Variants in COL12A1 observed in about 807,000 individuals in gnomAD.
COL12A1 encodes the protein collagen alpha-1(XII) chain.
Under a neutral mutation model 349.7 loss-of-function variants are expected in COL12A1, and 114 were observed. The ratio of observed to expected loss-of-function variants is 0.33; its 90% CI spans 0.28 to 0.38. COL12A1 has a LOEUF of 0.38. Among genes scored for constraint, COL12A1 ranks in the 10% least tolerant of loss-of-function variants. COL12A1 has a pLI of 1.00. For missense variants in COL12A1, 3,284 were observed against 3,756.9 expected (o/e 0.87, Z 3.29); for synonymous variants, 1,369 against 1,329.0 (o/e 1.03, Z -0.66).
chr6:75,123,804 C>G, intron 42 of COL12A1, 144 bp downstream of exon 42: 1 of 900,614 alleles, frequency 1.1e-6, no homozygotes, highest in South Asian at 2.2e-5. Context: ...GCTTTAGACT[C>G]CACATTCAGG....
rs180680430 is a variant in COL12A1, at chr6:75,197,613, G to A, written c.74-2666C>T. Among the ~76,000 whole-genome samples, 180 of 152,032 alleles carry A rather than the reference G, an allele frequency of 1.2e-3. 1 individual carries two copies. Among genetic ancestry groups the A allele is most frequent in the African/African-American group, 4.1e-3 (171 of 41,474 alleles). ...AGGAATAAGCCACTGTGCCCAGCCC[G>A]GAAATTTTCAATTATGCACTAGCTG... On this transcript the variant is annotated intron_variant, in intron 2 of 65. Transcript: ENST00000322507.
chr6:75,108,719 T>A (rs1403445675), intron 52 of COL12A1, among the ~76,000 whole-genome samples: 1 of 152,222 alleles, frequency 6.6e-6, no homozygotes, highest in African/African-American at 2.4e-5. Flanking sequence ...TCACTGGGTA[T>A]GTTGGCAACT....
At chr6:75,116,473 A>T (rs1469873505) in intron 47 of COL12A1, among the ~76,000 whole-genome samples, 1 of 151,978 alleles carries the variant, frequency 6.6e-6, no homozygotes, top group African/African-American at 2.4e-5. Flanking sequence ...ACCAAACACC[A>T]TGTAACAGTA....
chr6:75,124,018 A>G lies in COL12A1; in HGVS notation c.6801T>C (p.Asp2267=), dbSNP rs1314885652. The G allele has an allele frequency of 6.2e-7, 1 of 1,613,958 alleles. No individual in the cohort carries two copies. The highest frequency in any genetic ancestry group is 1.3e-5 in the African/African-American group (1 of 75,052). ...HCFTGLSPDT[D]YGVTVFVQTP... ...TCTGCACAAAAACAGTGACACCATAATCAGTGTCTGGTGAAAGGCCAGTGA... is the reference window on the plus strand; with the variant it reads ...TCTGCACAAAAACAGTGACACCATAGTCAGTGTCTGGTGAAAGGCCAGTGA... Residue 2267 remains aspartate (D), a synonymous_variant, in exon 42 of 66, where the codon GAT becomes GAC. Coordinates refer to ENST00000322507, the MANE Select transcript of COL12A1 (RefSeq NM_004370.6).
chr6:75,090,040 T>C lies in COL12A1; in HGVS notation c.8941+70A>G. 1.3e-6 allele frequency: 2 copies of C among 1,558,290 alleles called. No individual in the cohort carries two copies. The highest frequency in any genetic ancestry group is 1.8e-6 in the Non-Finnish European group (2 of 1,138,586). On this transcript the variant is annotated intron_variant, in intron 63 of 65. Coordinates refer to ENST00000322507, the MANE Select transcript of COL12A1 (RefSeq NM_004370.6). This position sits in a 1 kb window ranked among gnomAD's most constrained non-coding sequence, Gnocchi z 4.1. Reference sequence around the variant, plus strand: ...TGCCTAGGTCACCTTTCAGATGCCTTCAACCTGTCCCAACTCCTACATTTG... The same window carrying C: ...TGCCTAGGTCACCTTTCAGATGCCTCCAACCTGTCCCAACTCCTACATTTG...
At position 75,086,529 on chromosome 6, in the gene COL12A1, G is replaced by A. The variant is rs1767496152; in HGVS notation, c.*18C>T. 1 of 1,605,726 alleles carries A rather than the reference G, an allele frequency of 6.2e-7. No homozygotes were observed. The highest frequency in any genetic ancestry group is 8.5e-7 in the Non-Finnish European group (1 of 1,175,114). On this transcript the variant is annotated 3_prime_UTR_variant, in exon 66 of 66. Coordinates refer to ENST00000322507, the MANE Select transcript of COL12A1 (RefSeq NM_004370.6). ...ATGTATTCAAACTGTAAGCAGCACT[G>A]GCGACTTAGAAAATGTGTTAGCCGG... is the stretch of plus-strand genomic sequence containing the variant.
Position 75,145,384 on chromosome 6 carries a change from T to C in COL12A1, c.4632A>G (p.Thr1544=). Residue 1544 remains threonine, a synonymous_variant, in exon 25 of 66, where the codon ACA becomes ACG. Transcript: ENST00000322507. ...TGAGGTCGTGCAGGACAGCCTGGACTGTGACTGCATACTCCGTGTTGGGAA... is the reference window on the plus strand; with the variant it reads ...TGAGGTCGTGCAGGACAGCCTGGACCGTGACTGCATACTCCGTGTTGGGAA... ...DLVPNTEYAV[T]VQAVLHDLTS... 1 of 1,614,002 alleles carries C rather than the reference T, an allele frequency of 6.2e-7. No individual in the cohort carries two copies. Among genetic ancestry groups the C allele is most frequent in the Non-Finnish European group, 8.5e-7 (1 of 1,179,896 alleles).
intron 10 of COL12A1, among the ~76,000 whole-genome samples, chr6:75,182,820 C>T (rs908816439): frequency 6.6e-6 from 1 of 152,154 alleles, no homozygotes; most frequent in African/African-American, 2.4e-5. Context: ...ACAGAAACAT[C>T]TCATGACTCT....
intron 2 of COL12A1, among the ~76,000 whole-genome samples, chr6:75,197,582 G>T (rs1368471509): frequency 6.6e-6 from 1 of 152,112 alleles, no homozygotes; most frequent in Non-Finnish European, 1.5e-5. Flanking sequence ...ACAGTGCTGG[G>T]ATTGTAGGAA....
In COL12A1 at chr6:75,131,579, G is replaced by C. The variant is rs142711696; in HGVS notation, c.5937+361C>G. Reference sequence around the variant, plus strand: ...ATTAGCAATTTCTGATTTCTAAATTGTTAGTCTACTTACAAAACTGAATAA... The same window carrying C: ...ATTAGCAATTTCTGATTTCTAAATTCTTAGTCTACTTACAAAACTGAATAA... On this transcript the variant is annotated intron_variant, in intron 35 of 65. Transcript: ENST00000322507. Among the ~76,000 whole-genome samples, 240 of 152,246 alleles carry C rather than the reference G, an allele frequency of 1.6e-3. 1 individual carries two copies. The highest frequency in any genetic ancestry group is 5.1e-3 in the African/African-American group (211 of 41,558).
In COL12A1 at chr6:75,086,303, A is replaced by G. The variant is rs115003022; in HGVS notation, c.*244T>C. 3.8e-6 allele frequency: 1 copy of G among 261,748 alleles called. No homozygotes were observed. The highest frequency in any genetic ancestry group is 7.5e-6 in the Non-Finnish European group (1 of 132,914). The allele number at this position is 261,748 out of a possible 1,614,324, so 16.2% of individuals were successfully genotyped here. ...TGTGTGTTGGAACTTTTTTAAAATA[A>G]TGTTTTTCTACATTATTACTGAAAT... is the stretch of plus-strand genomic sequence containing the variant. On this transcript the variant is annotated 3_prime_UTR_variant, in exon 66 of 66. Coordinates refer to ENST00000322507, the MANE Select transcript of COL12A1 (RefSeq NM_004370.6).
Position 75,086,286 on chromosome 6 carries a change from G to A in COL12A1, c.*261C>T, listed in dbSNP as rs1306420799. 4.3e-6 allele frequency: 1 copy of A among 233,102 alleles called. No individual in the cohort carries two copies. The highest frequency in any genetic ancestry group is 8.5e-6 in the Non-Finnish European group (1 of 117,136). 14.4% of individuals were successfully genotyped at this position (233,102 alleles called of 1,614,324 possible). The stretch of plus-strand genomic sequence containing the variant: ...CTGAGGCTCCTCATGGCTGTGTGTT[G>A]GAACTTTTTTAAAATAATGTTTTTC... On this transcript the variant is annotated 3_prime_UTR_variant, in exon 66 of 66. Transcript: ENST00000322507.
chr6:75,156,791 A>G (rs1193691503), intron 14 of COL12A1, among the ~76,000 whole-genome samples: 2 of 152,220 alleles, frequency 1.3e-5, no homozygotes, highest in African/African-American at 4.8e-5. Context: ...TAGAGACTTT[A>G]GTAAAGAAAA....
At chr6:75,185,728 T>C (rs1022918399) in intron 8 of COL12A1, among the ~76,000 whole-genome samples, 1 of 152,172 alleles carries the variant, frequency 6.6e-6, no homozygotes, top group Non-Finnish European at 1.5e-5. Context: ...GCTACAGGGC[T>C]GTGGTAACCA....
chr6:75,141,394 G>C (rs1766884027), intron 27 of COL12A1, among the ~76,000 whole-genome samples: 1 of 152,190 alleles, frequency 6.6e-6, no homozygotes, highest in South Asian at 2.1e-4. Context: ...GAAACCATGA[G>C]AGGGAGAGGA....
chr6:75,187,584 A>T (rs1769697192), intron 8 of COL12A1, among the ~76,000 whole-genome samples: 1 of 152,142 alleles, frequency 6.6e-6, no homozygotes. Context: ...AGAGCCCATG[A>T]AGTAATGAGA....
intron 43 of COL12A1, among the ~76,000 whole-genome samples, chr6:75,122,532 C>T (rs1447263844): frequency 6.6e-6 from 1 of 152,076 alleles, no homozygotes; most frequent in Non-Finnish European, 1.5e-5. Context: ...AAAGAAAAAA[C>T]TTGTTTTTAA....
chr6:75,123,778 AAAAGG>A (rs1562162992), intron 42 of COL12A1, among the ~76,000 whole-genome samples, 165 bp downstream of exon 42: 1 of 152,178 alleles, frequency 6.6e-6, no homozygotes, highest in Non-Finnish European at 1.5e-5. Context: ...TTGCTACAGA[AAAAGG>A]TCCTGAACCA....
At chr6:75,191,197 C>T (rs1016850956) in intron 5 of COL12A1, among the ~76,000 whole-genome samples, 7 of 152,058 alleles carry the variant, frequency 4.6e-5, no homozygotes, top group African/African-American at 1.7e-4. Flanking sequence ...GTTACAACTA[C>T]CATCAACTAA....
Sources: allele counts gnomAD v4.1 joint callset (sites outside exome capture counted in the v4.1 genomes callset), GRCh38; gene constraint gnomAD v4.1.1; non-coding constraint Gnocchi (gnomAD v3.1); transcripts MANE v1.5; gene names NCBI Gene and HGNC (gene_info 2026-07-23, HGNC 2026-07-21).